Variants in E2F6 observed in about 807,000 individuals in gnomAD.
E2F6 encodes transcription factor E2F6.
E2F6 carries 19 observed loss-of-function variants against 31.5 expected under a neutral mutation model. The observed-to-expected ratio is 0.60, with a 90% confidence interval of 0.42 to 0.89. E2F6 has a LOEUF of 0.89. E2F6 is among the 40% of genes least tolerant of loss of function. The pLI, the probability that E2F6 is intolerant of heterozygous loss-of-function variation, is 0.00. For missense variants in E2F6, 269 were observed against 341.6 expected, an observed-to-expected ratio of 0.79 and a Z score of 1.67; for synonymous variants, 121 against 127.7, an observed-to-expected ratio of 0.95 and a Z score of 0.36.
At chr2:11,460,407 G>T (rs539521170) in intron 1 of E2F6, among the ~76,000 whole-genome samples, 1 of 152,120 alleles carries the variant, frequency 6.6e-6, no homozygotes, top group East Asian at 1.9e-4. Flanking sequence ...CCTCTTTCCC[G>T]TTTGTCCTTG....
At chr2:11,454,470 G>C (rs1282093210) in intron 2 of E2F6, among the ~76,000 whole-genome samples, 1 of 151,660 alleles carries the variant, frequency 6.6e-6, no homozygotes, top group African/African-American at 2.4e-5. Context: ...TTCTCCTCCG[G>C]AGTAGCTGGG....
intron 1 of E2F6, among the ~76,000 whole-genome samples, chr2:11,462,466 A>G (rs1284240693): frequency 6.6e-6 from 1 of 152,240 alleles, no homozygotes; most frequent in African/African-American, 2.4e-5. Context: ...AAAATATCTT[A>G]TACTGTAGAT....
At chr2:11,463,878 G>A (rs1321681204) in intron 1 of E2F6, among the ~76,000 whole-genome samples, 1 of 145,458 alleles carries the variant, frequency 6.9e-6, no homozygotes, top group Non-Finnish European at 1.5e-5. Flanking sequence ...TTGAGCCTGG[G>A]AGGTAAGGCT....
chr2:11,455,473 C>T (rs1361187984), intron 2 of E2F6: 1 of 1,297,826 alleles, frequency 7.7e-7, no homozygotes, highest in East Asian at 5.6e-5. Flanking sequence ...CCCATTCCTA[C>T]ACTTAAGATT....
intron 5 of E2F6, among the ~76,000 whole-genome samples, chr2:11,449,273 C>T (rs1403117179): frequency 6.6e-6 from 1 of 152,166 alleles, no homozygotes; most frequent in East Asian, 1.9e-4. Flanking sequence ...CTCACTTGAA[C>T]AGTGGTCTGC....
At chr2:11,459,488 G>GT (rs748972268) in intron 1 of E2F6, among the ~76,000 whole-genome samples, 12 of 151,372 alleles carry the variant, frequency 7.9e-5, no homozygotes, top group Non-Finnish European at 8.9e-5. Flanking sequence ...GCATTCATTT[G>GT]TTTTTTTTTC....
intron 1 of E2F6, among the ~76,000 whole-genome samples, chr2:11,464,492 G>C (rs6733331): frequency 1.4e-5 from 2 of 147,554 alleles, no homozygotes; most frequent in African/African-American, 5.1e-5. Flanking sequence ...ACTCCAGCCT[G>C]GGTGACAGAG....
Position 11,466,013 on chromosome 2 carries a change from G to A in E2F6, c.-134C>T, listed in dbSNP as rs1672189168. 2.7e-6 allele frequency: 2 copies of A among 753,954 alleles called. No homozygotes were observed. Among genetic ancestry groups the A allele is most frequent in the Non-Finnish European group, 3.9e-6 (2 of 506,826 alleles). The allele number at this position is 753,954 out of a possible 1,614,324, so 46.7% of individuals were successfully genotyped here. A position where few individuals can be genotyped will look rare whatever the true frequency, so the allele number is the denominator to read the frequency against. On this transcript the variant is annotated 5_prime_UTR_variant, in exon 1 of 7. Coordinates refer to ENST00000381525, the MANE Select transcript of E2F6 (RefSeq NM_198256.4). ...CTAAGGGGTCCGCGGCTTCCTCCGA[G>A]GCGCCGCCCGGCTAGGCCGTCCCGC...
chr2:11,464,291 G>A (rs1490806411), intron 1 of E2F6, among the ~76,000 whole-genome samples: 1 of 151,826 alleles, frequency 6.6e-6, no homozygotes, highest in Non-Finnish European at 1.5e-5. Flanking sequence ...GAGGCGGGTG[G>A]ATCACGAGGT....
rs200968261 is a variant in E2F6, at chr2:11,460,143, G to GA, written c.109-2911dup. ...GCTTTGAAGAGCTGCTTCAAAGGTG[G>GA]AAAAAAAAATAAAAGATGAAGTTTA... On this transcript the variant is annotated intron_variant, in intron 1 of 6. Coordinates refer to ENST00000381525, the MANE Select transcript of E2F6 (RefSeq NM_198256.4). 4.6e-4 allele frequency among the ~76,000 whole-genome samples: 69 copies of GA among 150,614 alleles called. No homozygotes were observed. The East Asian group carries it at 0.011, about 23-fold the overall frequency.
rs1300870784 is a variant in E2F6 at position 11,444,639 on chromosome 2, A to T, written c.*1838T>A. 6.7e-6 allele frequency: 1 copy of T among 149,862 alleles called. No homozygotes were observed. Among genetic ancestry groups the T allele is most frequent in the Non-Finnish European group, 1.5e-5 (1 of 67,580 alleles). 9.3% of individuals were successfully genotyped at this position (149,862 alleles called of 1,614,324 possible). On this transcript the variant is annotated 3_prime_UTR_variant, in exon 7 of 7. Coordinates refer to ENST00000381525, the MANE Select transcript of E2F6 (RefSeq NM_198256.4). ...CTTCTGTATTTCTCCTTAAATATAG[A>T]TGCCCTTAGGCCTGCTGTACTCTTT...
Position 11,445,227 on chromosome 2 carries a change from G to C in E2F6, c.*1250C>G, listed in dbSNP as rs1025626928. ...TTAAAAGCAATATTCAAACGATACA[G>C]GAATCTTGTACGATAGACAAACCAA... is the stretch of plus-strand genomic sequence containing the variant. On this transcript the variant is annotated 3_prime_UTR_variant, in exon 7 of 7. Coordinates refer to ENST00000381525, the MANE Select transcript of E2F6 (RefSeq NM_198256.4). 6.6e-6 allele frequency: 1 copy of C among 152,228 alleles called. No individual in the cohort carries two copies. The highest frequency in any genetic ancestry group is 6.5e-5 in the Admixed American group (1 of 15,274). The allele number at this position is 152,228 out of a possible 1,614,324, so 9.4% of individuals were successfully genotyped here.
intron 1 of E2F6, among the ~76,000 whole-genome samples, chr2:11,461,743 G>T (rs1671795954): frequency 6.6e-6 from 1 of 152,194 alleles, no homozygotes; most frequent in Non-Finnish European, 1.5e-5. Flanking sequence ...CTACAGGATA[G>T]AAGATTCTAA....
At chr2:11,447,061 T>C (rs1406817696) in intron 6 of E2F6, among the ~76,000 whole-genome samples, 1 of 152,232 alleles carries the variant, frequency 6.6e-6, no homozygotes, top group Non-Finnish European at 1.5e-5. Context: ...GGTCACAGGA[T>C]GCTGGTCCCC....
At chr2:11,464,965 C>T (rs749129908) in intron 1 of E2F6, among the ~76,000 whole-genome samples, 22 of 151,434 alleles carry the variant, frequency 1.5e-4, no homozygotes, top group Admixed American at 7.2e-4. Flanking sequence ...CACCTGAGGT[C>T]GTCAGGAGTT....
At position 11,465,841 on chromosome 2, in the gene E2F6, G is replaced by A. The variant is rs749240708; in HGVS notation, c.39C>T (p.Leu13=). The A allele has an allele frequency of 2.5e-5, 40 of 1,589,574 alleles. No homozygotes were observed. Among genetic ancestry groups the A allele is most frequent in the Admixed American group, 3.5e-5 (2 of 56,418 alleles). Reference sequence around the variant, plus strand: ...CCGTCTCCTCCGTCGGGTCCAGGAGGAGACTGGGTAACTTCCTCGCCGGCC... The same window carrying A: ...CCGTCTCCTCCGTCGGGTCCAGGAGAAGACTGGGTAACTTCCTCGCCGGCC... ...QQRPARKLPS[L]LLDPTEETVR... is the part of the protein sequence containing the mutation. The change falls in exon 1 of 7, where the codon CTC becomes CTT. Residue 13 remains leucine (L), a synonymous_variant. Coordinates refer to ENST00000381525, the MANE Select transcript of E2F6 (RefSeq NM_198256.4).
At chr2:11,450,209 G>C (rs1265609000) in intron 4 of E2F6, 83 bp from the exon 5 acceptor site, 2 of 818,680 alleles carry the variant, frequency 2.4e-6, no homozygotes. Flanking sequence ...TAACGCAAGG[G>C]TAATGTTAGA....
intron 5 of E2F6, among the ~76,000 whole-genome samples, chr2:11,449,416 C>T (rs534760848): frequency 2.2e-4 from 33 of 152,294 alleles, no homozygotes; most frequent in African/African-American, 7.7e-4. Context: ...GGATGTGTCC[C>T]AAGAATGGCC....
At chr2:11,465,694 G>A in intron 1 of E2F6, 78 bp downstream of exon 1, 2 of 1,460,880 alleles carry the variant, frequency 1.4e-6, no homozygotes, top group African/African-American at 2.8e-5. Context: ...GACGGCCAGC[G>A]GGGTTGGCGG....
Sources: allele counts gnomAD v4.1 joint callset (sites outside exome capture counted in the v4.1 genomes callset), GRCh38; gene constraint gnomAD v4.1.1; transcripts MANE v1.5; gene names NCBI Gene and HGNC (gene_info 2026-07-23, HGNC 2026-07-21).